Variants in TRAF4 observed in about 807,000 individuals in gnomAD.
The protein encoded by TRAF4 is TNF receptor-associated factor 4.
In TRAF4, 9 loss-of-function variants were observed where a neutral mutation model predicts 47.3. The ratio of observed to expected loss-of-function variants is 0.19; its 90% confidence interval spans 0.11 to 0.33. The LOEUF (loss-of-function observed/expected upper bound fraction) is 0.33, where lower values mean the gene tolerates loss of function less well. Among genes scored for constraint, TRAF4 ranks in the 10% least tolerant of loss-of-function variants. The pLI, the probability that TRAF4 is intolerant of heterozygous loss-of-function variation, is 1.00. For missense variants in TRAF4, 448 were observed against 620.3 expected, an observed-to-expected ratio of 0.72 and a Z score of 2.95; for synonymous variants, 236 against 236.9, an observed-to-expected ratio of 1.00 and a Z score of 0.04.
At chr17:28,745,408 C>G (rs2034495976) in intron 1 of TRAF4, 1 of 152,682 alleles carries the variant, frequency 6.5e-6, no homozygotes, top group Non-Finnish European at 1.5e-5. Context: ...ATTGTCTCCG[C>G]CACTGCTCTT....
At chr17:28,748,838 G>T (rs573343092) in intron 6 of TRAF4, 107 bp from the exon 7 acceptor site, 1 of 1,482,258 alleles carries the variant, frequency 6.7e-7, no homozygotes, top group Non-Finnish European at 8.9e-7. Context: ...TCTTCCTCAC[G>T]TAGAGCTGGG....
chr17:28,748,681 T>A lies in TRAF4; in HGVS notation c.780+15T>A. The A allele has an allele frequency of 6.2e-7, 1 of 1,606,308 alleles. No homozygotes were observed. Among genetic ancestry groups the A allele is most frequent in the Non-Finnish European group, 8.5e-7 (1 of 1,179,584 alleles). On this transcript the variant is annotated intron_variant, in intron 6 of 6. Coordinates refer to ENST00000262395, the MANE Select transcript of TRAF4 (RefSeq NM_004295.4). ...GCAAGCACAGGGTGAGATGCCCCTT[T>A]TCCTGTCAGCCCCCTTTTGCCCTTG...
At position 28,744,208 on chromosome 17, in the gene TRAF4, C is replaced by T. The variant is rs749780003; in HGVS notation, c.96C>T (p.Ser32=). The T allele has an allele frequency of 1.8e-5, 29 of 1,596,608 alleles. No individual in the cohort carries two copies. The East Asian group carries it at 6.3e-4, about 35-fold the overall frequency. Residue 32 remains serine (S), a synonymous_variant, in exon 1 of 7, where the codon TCC becomes TCT. Coordinates refer to ENST00000262395, the MANE Select transcript of TRAF4 (RefSeq NM_004295.4). The part of the protein sequence containing the change: ...GKPMREPVQV[S]TCGHRFCDTC... ...CCATGCGCGAGCCTGTGCAGGTTTC[C>T]ACCTGCGGCCACCGTTTCTGCGATA...
In TRAF4 at chr17:28,749,818, T is replaced by TCC. The variant is rs1359129311; in HGVS notation, c.*243_*244dup. The TCC allele has an allele frequency of 1.4e-6, 1 of 735,794 alleles. No homozygotes were observed. Among genetic ancestry groups the TCC allele is most frequent in the African/African-American group, 1.7e-5 (1 of 57,936 alleles). 45.6% of individuals were successfully genotyped at this position (735,794 alleles called of 1,614,324 possible). ...GAAACAAGTGACCCCAGGGCCTGTC[T>TCC]CCCTTCTTGGGTAGGGCAGACATGC... On this transcript the variant is annotated 3_prime_UTR_variant, in exon 7 of 7. Coordinates refer to ENST00000262395, the MANE Select transcript of TRAF4 (RefSeq NM_004295.4).
In TRAF4 at chr17:28,747,210, C is replaced by A. The variant is rs914247517; in HGVS notation, c.144-3C>A. 7.4e-6 allele frequency: 12 copies of A among 1,613,414 alleles called. No individual in the cohort carries two copies. The highest frequency in any genetic ancestry group is 1.0e-5 in the Non-Finnish European group (12 of 1,179,752). ...CCTTTTTCCTGCCCCTCCCCCATTTCAGTGAAGGAGTCTTCAAGTGCCCTG... is the reference window on the plus strand; with the variant it reads ...CCTTTTTCCTGCCCCTCCCCCATTTAAGTGAAGGAGTCTTCAAGTGCCCTG... On this transcript the variant is annotated splice_polypyrimidine_tract_variant and splice_region_variant and intron_variant, in intron 1 of 6. Coordinates refer to ENST00000262395, the MANE Select transcript of TRAF4 (RefSeq NM_004295.4).
rs2034570429 is a variant in TRAF4, at chr17:28,749,544, T to C, written c.1380T>C (p.Ala460=). 6.2e-7 allele frequency: 1 copy of C among 1,613,596 alleles called. No homozygotes were observed. The highest frequency in any genetic ancestry group is 8.5e-7 in the Non-Finnish European group (1 of 1,179,920). Reference sequence around the variant, plus strand: ...GGGATGATGCAGTCTTCATCCGTGCTGCTGTTGAACTGCCCCGGAAGATCC... The same window carrying C: ...GGGATGATGCAGTCTTCATCCGTGCCGCTGTTGAACTGCCCCGGAAGATCC... ...YVRDDAVFIR[A]AVELPRKILS Residue 460 remains alanine, a synonymous_variant, in exon 7 of 7, where the codon GCT becomes GCC. Coordinates refer to ENST00000262395, the MANE Select transcript of TRAF4 (RefSeq NM_004295.4).
Position 28,744,099 on chromosome 17 carries a change from GC to G in TRAF4, c.-12del. ...TGCCTGGCCCCGCTCGCCCGTGCCG[GC>G]CGCTCGCCCGCCATGCCTGGCTTCG... is the stretch of plus-strand genomic sequence containing the variant. On this transcript the variant is annotated 5_prime_UTR_variant, in exon 1 of 7. Coordinates refer to ENST00000262395, the MANE Select transcript of TRAF4 (RefSeq NM_004295.4). The G allele has an allele frequency of 1.3e-6, 2 of 1,535,378 alleles. No homozygotes were observed. The highest frequency in any genetic ancestry group is 1.2e-5 in the South Asian group (1 of 85,550).
chr17:28,747,390 A>C (rs1269021229), intron 2 of TRAF4, 126 bp downstream of exon 2: 1 of 1,196,356 alleles, frequency 8.4e-7, no homozygotes, highest in East Asian at 2.5e-5. Context: ...GCCTCCACAA[A>C]GGTAGCCTGT....
At position 28,748,128 on chromosome 17, in the gene TRAF4, C is replaced by T. The variant is rs1417376032; in HGVS notation, c.412C>T (p.Arg138Cys). 7.4e-6 allele frequency: 12 copies of T among 1,613,952 alleles called. No individual in the cohort carries two copies. Among genetic ancestry groups the T allele is most frequent in the Admixed American group, 5.0e-5 (3 of 60,020 alleles). ...AHLQHDCPKR[R>C]LKCEFCGCDF... ...CTTGCAGCATGACTGCCCCAAGCGG[C>T]GCCTCAAGTGCGAGTTTTGTGGCTG... The change falls in exon 4 of 7, where the codon CGC (arginine) becomes TGC (cysteine). Residue 138 changes from arginine (R) to cysteine (C), a missense_variant. By Grantham distance (180) the Arg-to-Cys change is radical. Transcript: ENST00000262395.
At position 28,748,374 on chromosome 17, in the gene TRAF4, C is replaced by T. The variant is rs2151739106; in HGVS notation, c.575C>T (p.Thr192Ile). ...GCCACCTCTGAGTGCCCCAAGCGCA[C>T]TCAGCCCTGCACCTACTGCACTAAG... ...QHATSECPKR[T>I]QPCTYCTKEF... The change falls in exon 5 of 7, where the codon ACT becomes ATT. Residue 192 changes from threonine to isoleucine, a missense_variant. Physicochemically the swap from Thr to Ile is moderately conservative, Grantham distance 89 (BLOSUM62 -1). Transcript: ENST00000262395. 6.2e-7 allele frequency: 1 copy of T among 1,613,594 alleles called. No individual in the cohort carries two copies. The highest frequency in any genetic ancestry group is 8.5e-7 in the Non-Finnish European group (1 of 1,179,836).
intron 1 of TRAF4, chr17:28,745,731 G>A (rs2151737114): frequency 6.5e-6 from 1 of 153,712 alleles, no homozygotes; most frequent in South Asian, 2.1e-4. Flanking sequence ...GCTTCTGAAG[G>A]GGAGAGAGGT....
chr17:28,747,135 T>A, intron 1 of TRAF4, 78 bp from the exon 2 acceptor site: 1 of 1,533,262 alleles, frequency 6.5e-7, no homozygotes, highest in South Asian at 1.2e-5. Context: ...GAAGGGAGGC[T>A]GCCTCAGTGG....
In TRAF4 at chr17:28,750,371, A is replaced by G. The variant is rs192759741; in HGVS notation, c.*794A>G. On this transcript the variant is annotated 3_prime_UTR_variant, in exon 7 of 7. Coordinates refer to ENST00000262395, the MANE Select transcript of TRAF4 (RefSeq NM_004295.4). The stretch of plus-strand genomic sequence containing the variant: ...CCCACCAGATTAGTGCTTCTACCCT[A>G]GGCAGGGCTTTCTTGGTCTAATGGT... 3.6e-3 allele frequency: 575 copies of G among 160,540 alleles called. 1 individual carries two copies. The highest frequency in any genetic ancestry group is 6.4e-3 in the Non-Finnish European group (467 of 73,338). The allele number at this position is 160,540 out of a possible 1,614,324, so 9.9% of individuals were successfully genotyped here.
At chr17:28,747,427 C>A in intron 2 of TRAF4, 163 bp downstream of exon 2, 1 of 828,506 alleles carries the variant, frequency 1.2e-6, no homozygotes, top group Non-Finnish European at 1.8e-6. Flanking sequence ...AGTTTGCAAA[C>A]GAGGCCCCTG....
chr17:28,746,114 G>A (rs529696224), intron 1 of TRAF4, among the ~76,000 whole-genome samples: 38 of 152,350 alleles, frequency 2.5e-4, no homozygotes, highest in Admixed American at 1.7e-3. Context: ...GGGGCAGTTG[G>A]GGCATGGACT....
intron 5 of TRAF4, 36 bp downstream of exon 5, chr17:28,748,459 G>C: frequency 1.2e-6 from 2 of 1,606,920 alleles, no homozygotes; most frequent in Non-Finnish European, 1.7e-6. Context: ...TGCAGGGTAG[G>C]TGACAGGTAG....
Position 28,744,026 on chromosome 17 carries a change from G to C in TRAF4, c.-87G>C. 1 of 1,033,502 alleles carries C rather than the reference G, an allele frequency of 9.7e-7. No individual in the cohort carries two copies. Among genetic ancestry groups the C allele is most frequent in the Non-Finnish European group, 1.2e-6 (1 of 864,140 alleles). The allele number at this position is 1,033,502 out of a possible 1,614,324, so 64.0% of individuals were successfully genotyped here. ...CGCGACCGCCAGTCGGCGCCGCCCGGAGCCGGGAGCGCCGCTCCAGCGAGG... is the reference window on the plus strand; with the variant it reads ...CGCGACCGCCAGTCGGCGCCGCCCGCAGCCGGGAGCGCCGCTCCAGCGAGG... On this transcript the variant is annotated 5_prime_UTR_variant, in exon 1 of 7. Transcript: ENST00000262395.
intron 2 of TRAF4, 182 bp from the exon 3 acceptor site, chr17:28,747,661 G>A: frequency 1.6e-6 from 1 of 626,094 alleles, no homozygotes; most frequent in Non-Finnish European, 2.8e-6. Context: ...GGCATGTTAG[G>A]ACCCAGCATC....
At chr17:28,747,178 T>A (rs748727479) in intron 1 of TRAF4, 35 bp from the exon 2 acceptor site, 3 of 1,608,504 alleles carry the variant, frequency 1.9e-6, no homozygotes, top group African/African-American at 2.7e-5. Flanking sequence ...TTTCCCCTAA[T>A]GAGAAACCTT....
Sources: allele counts gnomAD v4.1 joint callset (sites outside exome capture counted in the v4.1 genomes callset), GRCh38; gene constraint gnomAD v4.1.1; transcripts MANE v1.5; gene names NCBI Gene and HGNC (gene_info 2026-07-23, HGNC 2026-07-21).